The following GNAQ variants were observed in gnomAD, a reference collection of about 807,000 sequenced individuals.
The protein encoded by GNAQ is guanine nucleotide-binding protein G(q) subunit alpha.
A neutral mutation model predicts 43.9 loss-of-function variants in GNAQ; 8 were observed. The ratio of observed to expected loss-of-function variants is 0.18; its 90% CI spans 0.11 to 0.33. The LOEUF is 0.33. GNAQ is among the 10% of genes least tolerant of loss of function. The pLI is 1.00. For synonymous variants in GNAQ, 155 were observed against 170.7 expected, an observed-to-expected ratio of 0.91 and a Z score of 0.71; for missense variants, 158 against 450.8, an observed-to-expected ratio of 0.35 and a Z score of 5.88.
chr9:77,850,083 C>T (rs925390006), intron 2 of GNAQ, among the ~76,000 whole-genome samples: 1 of 152,250 alleles, frequency 6.6e-6, no homozygotes, highest in Non-Finnish European at 1.5e-5. Flanking sequence ...AAGCTCTAGG[C>T]CAGTACTTCC....
In GNAQ at chr9:77,801,796, C is replaced by T. The variant is rs1826746908; in HGVS notation, c.477-4148G>A. Among the ~76,000 whole-genome samples the T allele has an allele frequency of 2.0e-5, 3 of 152,154 alleles. No individual in the cohort carries two copies. In the South Asian group the frequency reaches 6.2e-4, roughly 31 times the overall value. On this transcript the variant is annotated intron_variant, in intron 3 of 6. Transcript: ENST00000286548. ...AAACAAAAGACATACAAACTATTTG[C>T]TCCTAGAGTAAAATCTGGGAAGCTA...
chr9:77,948,270 T>A (rs1461456254), intron 1 of GNAQ, among the ~76,000 whole-genome samples: 1 of 152,226 alleles, frequency 6.6e-6, no homozygotes, highest in African/African-American at 2.4e-5. Context: ...TAGGTAATAT[T>A]TAAAACTATA....
rs769403396 is a variant in GNAQ at position 77,800,758 on chromosome 9, AAAC to A, written c.477-3113_477-3111del. Among the ~76,000 whole-genome samples, 38 of 152,328 alleles carry A rather than the reference AAAC, an allele frequency of 2.5e-4. 1 individual carries two copies. Among genetic ancestry groups the A allele is most frequent in the East Asian group, 1.9e-4 (1 of 5,188 alleles). ...AAAAATAAATAAATCAAGTAATTCA[AAAC>A]AACAACAACAAAAATCAGATAGCTA... On this transcript the variant is annotated intron_variant, in intron 3 of 6. Transcript: ENST00000286548.
At chr9:77,776,828 C>CATAGTCA (rs1298355423) in intron 5 of GNAQ, among the ~76,000 whole-genome samples, 7 of 150,634 alleles carry the variant, frequency 4.6e-5, no homozygotes, top group Admixed American at 3.3e-4. Flanking sequence ...AACTGATCTA[C>CATAGTCA]ATAGTCAACA....
chr9:77,931,331 G>A lies in GNAQ; in HGVS notation c.137-8986C>T, dbSNP rs1219199113. Reference sequence around the variant, plus strand: ...ACTCTCACTGGGTGCGGTGGCTCACGCCTATAATCCCAGCACTTTGGGAGG... The same window carrying A: ...ACTCTCACTGGGTGCGGTGGCTCACACCTATAATCCCAGCACTTTGGGAGG... On this transcript the variant is annotated intron_variant, in intron 1 of 6. Coordinates refer to ENST00000286548, the MANE Select transcript of GNAQ (RefSeq NM_002072.5). Among the ~76,000 whole-genome samples the A allele has an allele frequency of 3.3e-5, 5 of 151,984 alleles. No individual in the cohort carries two copies. The South Asian group carries it at 8.3e-4, about 25-fold the overall frequency.
At chr9:77,795,669 G>A (rs1393065973) in intron 4 of GNAQ, among the ~76,000 whole-genome samples, 1 of 152,110 alleles carries the variant, frequency 6.6e-6, no homozygotes, top group Non-Finnish European at 1.5e-5. Context: ...GGAGATCCAC[G>A]TACTATGGAC....
intron 5 of GNAQ, among the ~76,000 whole-genome samples, chr9:77,742,570 G>A (rs185081519): frequency 2.2e-3 from 332 of 150,234 alleles, no homozygotes; most frequent in African/African-American, 6.7e-3. Context: ...TACGCAGTCA[G>A]AAGACAAAAA....
At chr9:77,742,634 A>C (rs11145549) in intron 5 of GNAQ, among the ~76,000 whole-genome samples, 84,191 of 152,002 alleles carry the variant, frequency 0.55, 26,823 homozygotes, top group Non-Finnish European at 0.72. Context: ...TGTGTTAGGA[A>C]GTTAAAAGAT....
At chr9:77,745,517 A>G (rs1178410859) in intron 5 of GNAQ, among the ~76,000 whole-genome samples, 1 of 152,076 alleles carries the variant, frequency 6.6e-6, no homozygotes, top group East Asian at 1.9e-4. Context: ...TAGGATACTG[A>G]TACTGACTTA....
At chr9:77,966,103 G>A (rs1402123153) in intron 1 of GNAQ, among the ~76,000 whole-genome samples, 1 of 152,110 alleles carries the variant, frequency 6.6e-6, no homozygotes, top group Non-Finnish European at 1.5e-5. Flanking sequence ...TCCCTCAGGT[G>A]TAAAACGTAA....
intron 2 of GNAQ, among the ~76,000 whole-genome samples, chr9:77,891,745 AAC>A (rs1564142845): frequency 6.6e-6 from 1 of 152,226 alleles, no homozygotes; most frequent in Admixed American, 6.5e-5. Context: ...CCATATCAAT[AAC>A]ACAGACCAAA....
chr9:78,019,641 G>C (rs1195648641), intron 1 of GNAQ, among the ~76,000 whole-genome samples: 1 of 151,990 alleles, frequency 6.6e-6, no homozygotes, highest in Non-Finnish European at 1.5e-5. Context: ...GGAACCTTTA[G>C]GCCAGGTGCG....
intron 3 of GNAQ, among the ~76,000 whole-genome samples, chr9:77,802,996 C>T (rs1415794133): frequency 6.6e-6 from 1 of 152,092 alleles, no homozygotes; most frequent in African/African-American, 2.4e-5. Context: ...ATGGCCCTCA[C>T]ACTCGGTGGT....
At chr9:77,929,594 G>A (rs1488845573) in intron 1 of GNAQ, among the ~76,000 whole-genome samples, 1 of 152,072 alleles carries the variant, frequency 6.6e-6, no homozygotes, top group Non-Finnish European at 1.5e-5. Context: ...ACTGTGGGAC[G>A]CCGAGGTGGG....
chr9:77,883,034 G>A (rs1021462607), intron 2 of GNAQ, among the ~76,000 whole-genome samples: 2 of 152,182 alleles, frequency 1.3e-5, no homozygotes, highest in Non-Finnish European at 2.9e-5. Flanking sequence ...AAACACTTCA[G>A]TTCACAGCTT....
chr9:77,797,492 A>C, intron 4 of GNAQ, 28 bp downstream of exon 4: 1 of 1,588,120 alleles, frequency 6.3e-7, no homozygotes, highest in Non-Finnish European at 8.6e-7. Flanking sequence ...AAAAGCTGGG[A>C]AATAGGTTTC....
chr9:77,753,909 T>C (rs1825857177), intron 5 of GNAQ, among the ~76,000 whole-genome samples: 1 of 152,222 alleles, frequency 6.6e-6, no homozygotes, highest in South Asian at 2.1e-4. Context: ...TGCTTGCCTG[T>C]CAGGAAGTCA....
At chr9:77,731,294 A>G (rs934731692) in intron 5 of GNAQ, among the ~76,000 whole-genome samples, 7 of 152,176 alleles carry the variant, frequency 4.6e-5, no homozygotes, top group African/African-American at 1.7e-4. Flanking sequence ...TCTGATTAAC[A>G]ATTTCCAGAC....
chr9:78,030,854 C>A (rs1346371407), intron 1 of GNAQ, among the ~76,000 whole-genome samples: 1 of 151,990 alleles, frequency 6.6e-6, no homozygotes. Flanking sequence ...CCGGGCAGGG[C>A]AGCCCCGACC....
Sources: allele counts gnomAD v4.1 joint callset (sites outside exome capture counted in the v4.1 genomes callset), GRCh38; gene constraint gnomAD v4.1.1; transcripts MANE v1.5; gene names NCBI Gene and HGNC (gene_info 2026-07-23, HGNC 2026-07-21).